TBC1D22A: variants seen among roughly 807,000 people sequenced by gnomAD.
TBC1D22A encodes the protein putative GTPase activator.
TBC1D22A carries 38 observed loss-of-function variants against 60.2 expected under a neutral mutation model. The observed-to-expected ratio is 0.63, with a 90% confidence interval of 0.49 to 0.83. The LOEUF is 0.83. TBC1D22A is among the 40% of genes least tolerant of loss of function. TBC1D22A has a pLI of 0.00. For synonymous variants in TBC1D22A, 302 were observed against 281.7 expected (o/e 1.07, Z -0.72); for missense variants, 628 against 701.0 (o/e 0.90, Z 1.18).
At chr22:46,824,964 C>T (rs1402769539) in intron 4 of TBC1D22A, among the ~76,000 whole-genome samples, 3 of 152,108 alleles carry the variant, frequency 2.0e-5, no homozygotes, top group African/African-American at 4.8e-5. Flanking sequence ...GTAGCCGAGG[C>T]AGATGCCAGG....
intron 1 of TBC1D22A, among the ~76,000 whole-genome samples, chr22:46,771,955 T>C (rs1160193148): frequency 6.6e-6 from 1 of 152,014 alleles, no homozygotes; most frequent in Non-Finnish European, 1.5e-5. Flanking sequence ...TGAGTTACTT[T>C]ACCCAGAATT....
intron 7 of TBC1D22A, among the ~76,000 whole-genome samples, chr22:46,903,330 G>T (rs943396602): frequency 6.6e-6 from 1 of 152,202 alleles, no homozygotes; most frequent in Admixed American, 6.5e-5. Flanking sequence ...CTGCGGGGGC[G>T]TCTGTACTCG....
At chr22:47,133,634 G>T (rs1214873165) in intron 12 of TBC1D22A, among the ~76,000 whole-genome samples, 1 of 152,166 alleles carries the variant, frequency 6.6e-6, no homozygotes, top group African/African-American at 2.4e-5. Flanking sequence ...GAACTTGGCA[G>T]GTCCCTTCTG....
intron 8 of TBC1D22A, among the ~76,000 whole-genome samples, chr22:46,946,509 A>T (rs1335480898): frequency 2.0e-5 from 3 of 152,094 alleles, no homozygotes; most frequent in Non-Finnish European, 4.4e-5. Context: ...CCAGATGGAG[A>T]GTAGATAGAG....
intron 4 of TBC1D22A, among the ~76,000 whole-genome samples, chr22:46,802,752 C>T (rs919724520): frequency 2.6e-5 from 4 of 151,678 alleles, no homozygotes; most frequent in South Asian, 2.1e-4. Context: ...TGGCCATGGA[C>T]GACGTGGAGT....
chr22:46,807,885 C>G (rs574737641), intron 4 of TBC1D22A, among the ~76,000 whole-genome samples: 3 of 152,034 alleles, frequency 2.0e-5, no homozygotes, highest in Admixed American at 6.6e-5. Flanking sequence ...GAGGATTGCT[C>G]GAGCCCAGGA....
rs576208980 is a variant in TBC1D22A at position 47,164,314 on chromosome 22, T to A, written c.1426-9184T>A. Among the ~76,000 whole-genome samples the A allele has an allele frequency of 2.6e-5, 4 of 152,352 alleles. No homozygotes were observed. The South Asian group carries it at 6.2e-4, about 24-fold the overall frequency. ...GAAGTCCTGTTTGACAAGCCCAGTG[T>A]ACTCTCAGCAGGTCTTGTTAGGGAA... On this transcript the variant is annotated intron_variant, in intron 12 of 12. Transcript: ENST00000337137.
Position 46,990,478 on chromosome 22 carries a change from G to T in TBC1D22A, c.1126-7156G>T, listed in dbSNP as rs2074896515. Among the ~76,000 whole-genome samples, 1 of 152,068 alleles carries T rather than the reference G, an allele frequency of 6.6e-6. No homozygotes were observed. Among genetic ancestry groups the T allele is most frequent in the Admixed American group, 6.5e-5 (1 of 15,272 alleles). ...ATCTCACATCACTGACTTCAGTGTG[G>T]CATATGTGTTACAATTGAGGAGCCA... On this transcript the variant is annotated intron_variant, in intron 9 of 12. Transcript: ENST00000337137. The surrounding 1 kb of genome is among the most constrained non-coding windows in gnomAD (Gnocchi z 4.6).
At chr22:47,163,300 A>ACTCATC (rs1196955360) in intron 12 of TBC1D22A, among the ~76,000 whole-genome samples, 3 of 152,076 alleles carry the variant, frequency 2.0e-5, no homozygotes, top group Non-Finnish European at 4.4e-5. Context: ...CAATGCCTGC[A>ACTCATC]CTCATCCTCA....
At chr22:47,042,690 A>AC (rs1323852094) in intron 11 of TBC1D22A, among the ~76,000 whole-genome samples, 2 of 151,888 alleles carry the variant, frequency 1.3e-5, no homozygotes, top group South Asian at 2.1e-4. Context: ...GCCTGATGGG[A>AC]CCCCCATCTG....
chr22:46,949,685 G>C (rs531446694), intron 8 of TBC1D22A, among the ~76,000 whole-genome samples: 15 of 152,318 alleles, frequency 9.8e-5, no homozygotes, highest in African/African-American at 3.6e-4. Context: ...TCTTTTGGTG[G>C]GGAGAGAGAA....
intron 1 of TBC1D22A, among the ~76,000 whole-genome samples, chr22:46,771,211 T>C (rs2083468335): frequency 6.6e-6 from 1 of 152,208 alleles, no homozygotes; most frequent in Non-Finnish European, 1.5e-5. Flanking sequence ...GTTTCTTAAG[T>C]AACAAGAGCA....
chr22:47,089,859 C>G (rs959605815), intron 11 of TBC1D22A, among the ~76,000 whole-genome samples: 16 of 152,082 alleles, frequency 1.1e-4, no homozygotes, highest in African/African-American at 3.9e-4. Context: ...TATTCACAGC[C>G]CAACTTACAA....
chr22:46,892,300 A>AG (rs933158821), intron 6 of TBC1D22A, among the ~76,000 whole-genome samples: 7 of 151,910 alleles, frequency 4.6e-5, no homozygotes, highest in African/African-American at 1.4e-4. Context: ...ATCTGTAAAA[A>AG]AAAAAAAAAG....
chr22:47,139,220 A>C (rs1212966106), intron 12 of TBC1D22A, among the ~76,000 whole-genome samples: 2 of 152,228 alleles, frequency 1.3e-5, no homozygotes, highest in African/African-American at 2.4e-5. Context: ...AGTCAGGCAC[A>C]GAACACTGAG....
At chr22:46,977,885 G>C (rs2074364693) in intron 9 of TBC1D22A, among the ~76,000 whole-genome samples, 1 of 152,180 alleles carries the variant, frequency 6.6e-6, no homozygotes, top group African/African-American at 2.4e-5. Flanking sequence ...CCAGGATCCG[G>C]TCACCTCCAG....
intron 11 of TBC1D22A, among the ~76,000 whole-genome samples, chr22:47,049,630 G>A (rs2063144160): frequency 6.6e-6 from 1 of 152,098 alleles, no homozygotes; most frequent in Non-Finnish European, 1.5e-5. Context: ...TTTTCTACGA[G>A]TTTTTTTGTA....
chr22:47,161,418 C>T (rs973585528), intron 12 of TBC1D22A, among the ~76,000 whole-genome samples: 6 of 152,166 alleles, frequency 3.9e-5, no homozygotes, highest in African/African-American at 1.2e-4. Flanking sequence ...TTGCCAGCAT[C>T]GTTATGTTTT....
chr22:47,047,432 G>T (rs1486946651), intron 11 of TBC1D22A, among the ~76,000 whole-genome samples: 1 of 152,238 alleles, frequency 6.6e-6, no homozygotes, highest in East Asian at 1.9e-4. Context: ...GGCGCTGAAG[G>T]AGAGGGGCAC....
Sources: allele counts gnomAD v4.1 joint callset (sites outside exome capture counted in the v4.1 genomes callset), GRCh38; gene constraint gnomAD v4.1.1; non-coding constraint Gnocchi (gnomAD v3.1); transcripts MANE v1.5; gene names NCBI Gene and HGNC (gene_info 2026-07-23, HGNC 2026-07-21).